ATRNL1: variants seen among roughly 807,000 people sequenced by gnomAD.
ATRNL1 encodes attractin like 1.
Under a neutral mutation model 182.7 loss-of-function variants are expected in ATRNL1, and 95 were observed. The ratio of observed to expected loss-of-function variants is 0.52; its 90% CI spans 0.44 to 0.62. The LOEUF (loss-of-function observed/expected upper bound fraction) is 0.62. Among genes scored for constraint, ATRNL1 ranks in the 20% least tolerant of loss-of-function variants. ATRNL1 has a pLI of 0.00. For synonymous variants in ATRNL1, 576 were observed against 568.3 expected (o/e 1.01, Z -0.19); for missense variants, 1,471 against 1,679.5 (o/e 0.88, Z 2.17).
At chr10:115,913,683 T>C (rs1170275960) in intron 28 of ATRNL1, among the ~76,000 whole-genome samples, 1 of 152,224 alleles carries the variant, frequency 6.6e-6, no homozygotes. Context: ...TGCTCACATG[T>C]TCTAGTTAAG....
intron 1 of ATRNL1, among the ~76,000 whole-genome samples, chr10:115,117,929 G>T (rs1844563235): frequency 6.6e-6 from 1 of 151,964 alleles, no homozygotes; most frequent in African/African-American, 2.4e-5. Context: ...TTTTAGTTTT[G>T]CTTTTCATTT....
intron 10 of ATRNL1, among the ~76,000 whole-genome samples, chr10:115,242,908 A>T (rs560235474): frequency 6.6e-6 from 1 of 152,182 alleles, no homozygotes; most frequent in African/African-American, 2.4e-5. Flanking sequence ...AGGCTCATGA[A>T]TCATTGTTTG....
chr10:115,864,999 AAAGAC>A (rs1951406398), intron 28 of ATRNL1, among the ~76,000 whole-genome samples: 1 of 151,876 alleles, frequency 6.6e-6, no homozygotes, highest in Non-Finnish European at 1.5e-5. Flanking sequence ...AAAAAAAAGA[AAAGAC>A]CAGACAAATC....
intron 26 of ATRNL1, among the ~76,000 whole-genome samples, chr10:115,626,034 C>T (rs113097612): frequency 5.0e-4 from 76 of 152,282 alleles, no homozygotes; most frequent in African/African-American, 1.8e-3. Flanking sequence ...ATTTGTACTA[C>T]ATGGTATATC....
intron 15 of ATRNL1, among the ~76,000 whole-genome samples, chr10:115,292,309 G>A (rs1022556586): frequency 6.6e-6 from 1 of 151,452 alleles, no homozygotes; most frequent in Non-Finnish European, 1.5e-5. Context: ...CCAACATTTT[G>A]TGTCATTGAT....
At chr10:115,425,804 T>C (rs1845859055) in intron 20 of ATRNL1, among the ~76,000 whole-genome samples, 2 of 152,006 alleles carry the variant, frequency 1.3e-5, no homozygotes, top group African/African-American at 2.4e-5. Flanking sequence ...TTTTTTTAAC[T>C]GGTGTAGAAA....
chr10:115,756,565 G>A (rs1948595114), intron 27 of ATRNL1, among the ~76,000 whole-genome samples: 1 of 152,138 alleles, frequency 6.6e-6, no homozygotes, highest in Admixed American at 6.5e-5. Context: ...ATCTGCCGAG[G>A]AGTGTTTTCC....
intron 25 of ATRNL1, among the ~76,000 whole-genome samples, chr10:115,543,636 C>A (rs1011465516): frequency 1.3e-5 from 2 of 152,046 alleles, no homozygotes; most frequent in Non-Finnish European, 2.9e-5. Context: ...AACTAGATTA[C>A]CACCAGAGGG....
intron 25 of ATRNL1, among the ~76,000 whole-genome samples, chr10:115,528,395 T>C (rs1185107741): frequency 1.3e-5 from 2 of 152,132 alleles, no homozygotes; most frequent in Non-Finnish European, 2.9e-5. Context: ...ACCTAGCTTA[T>C]CCAATTTATT....
At chr10:115,710,528 A>T (rs782547581) in intron 26 of ATRNL1, among the ~76,000 whole-genome samples, 4 of 152,184 alleles carry the variant, frequency 2.6e-5, no homozygotes, top group Non-Finnish European at 4.4e-5. Context: ...TATTCCACTG[A>T]AAGCTGAAGA....
At chr10:115,190,676 T>C (rs576284126) in intron 8 of ATRNL1, among the ~76,000 whole-genome samples, 1 of 152,146 alleles carries the variant, frequency 6.6e-6, no homozygotes, top group Non-Finnish European at 1.5e-5. Flanking sequence ...AATTGGGACA[T>C]CCATCACTTC....
At chr10:115,574,525 A>T (rs1399642695) in intron 26 of ATRNL1, among the ~76,000 whole-genome samples, 1 of 152,122 alleles carries the variant, frequency 6.6e-6, no homozygotes, top group Non-Finnish European at 1.5e-5. Flanking sequence ...TTTAATATCA[A>T]ATCTACCATG....
chr10:115,459,898 C>T (rs146002352), intron 21 of ATRNL1, among the ~76,000 whole-genome samples: 2,847 of 152,202 alleles, frequency 0.019, 91 homozygotes, highest in African/African-American at 0.063. Context: ...CTTTATTTCT[C>T]AAGCCAGCCG....
intron 21 of ATRNL1, among the ~76,000 whole-genome samples, chr10:115,438,744 T>C (rs1053035336): frequency 1.3e-5 from 2 of 151,976 alleles, no homozygotes; most frequent in Non-Finnish European, 2.9e-5. Context: ...ATCCTGGGCA[T>C]ATTCCAGTCA....
rs1853673948 is a variant in ATRNL1 at position 115,561,048 on chromosome 10, A to C, written c.3795+11512A>C. ...CAATATGTGACACCTAAACTATAAA[A>C]CTCTTAGAAGAAAATACAGAAGAAA... On this transcript the variant is annotated intron_variant, in intron 26 of 28. Coordinates refer to ENST00000355044, the MANE Select transcript of ATRNL1 (RefSeq NM_207303.4). 2.0e-5 allele frequency among the ~76,000 whole-genome samples: 3 copies of C among 152,152 alleles called. No individual in the cohort carries two copies. In the South Asian group the frequency reaches 6.2e-4, roughly 32 times the overall value.
chr10:115,813,334 C>G (rs1950091189), intron 27 of ATRNL1, among the ~76,000 whole-genome samples: 1 of 152,086 alleles, frequency 6.6e-6, no homozygotes. Flanking sequence ...TATAATGTTG[C>G]ATTTTTGTTT....
chr10:115,737,835 C>T (rs1555066427), intron 27 of ATRNL1, among the ~76,000 whole-genome samples: 2 of 152,058 alleles, frequency 1.3e-5, no homozygotes, highest in Non-Finnish European at 1.5e-5. Context: ...ACTGTATTGA[C>T]TTTTCTCTTG....
At chr10:115,833,407 T>C (rs1950601147) in intron 27 of ATRNL1, among the ~76,000 whole-genome samples, 1 of 152,142 alleles carries the variant, frequency 6.6e-6, no homozygotes, top group Non-Finnish European at 1.5e-5. Context: ...CTGCAAGAGT[T>C]TCCTCAAAGG....
At chr10:115,827,230 G>A (rs1193214444) in intron 27 of ATRNL1, among the ~76,000 whole-genome samples, 1 of 152,300 alleles carries the variant, frequency 6.6e-6, no homozygotes, top group Non-Finnish European at 1.5e-5. Context: ...TTAACTCATT[G>A]CTTTATAAAA....
Sources: gnomAD v4.1 joint callset for allele counts (sites outside exome capture counted in the v4.1 genomes callset) on GRCh38, gnomAD v4.1.1 for gene constraint, MANE v1.5 for transcripts, NCBI Gene and HGNC (gene_info 2026-07-23, HGNC 2026-07-21) for gene names.